GPHN: variants seen among roughly 807,000 people sequenced by gnomAD.
GPHN encodes gephyrin.
Under a neutral mutation model 95.5 loss-of-function variants are expected in GPHN, and 17 were observed. The observed-to-expected ratio is 0.18, with a 90% CI of 0.12 to 0.27. The LOEUF (loss-of-function observed/expected upper bound fraction) is 0.27. Ranked by LOEUF, GPHN falls within the 10% of genes least tolerant of loss-of-function variation. The probability of loss-of-function intolerance (pLI) is 1.00; values close to 1 mark genes in which losing one functional copy is unlikely to be tolerated. For missense variants in GPHN, 660 were observed against 978.1 expected (o/e 0.67, Z 4.34); for synonymous variants, 320 against 322.5 (o/e 0.99, Z 0.08).
chr14:66,876,166 A>T (rs1322548645), intron 4 of GPHN, among the ~76,000 whole-genome samples: 1 of 152,176 alleles, frequency 6.6e-6, no homozygotes, highest in African/African-American at 2.4e-5. Flanking sequence ...AAATAACAAA[A>T]TTAAGGCAGA....
the GPHN span, chr14:67,724,619 G>T: frequency 6.6e-7 from 1 of 1,509,770 alleles, no homozygotes; most frequent in South Asian, 1.1e-5. Context: ...AGTCTCCAAA[G>T]GGCCATGCCT....
intron 18 of GPHN, among the ~76,000 whole-genome samples, chr14:67,146,709 G>A (rs77391490): frequency 3.0e-4 from 45 of 152,294 alleles, no homozygotes; most frequent in Non-Finnish European, 5.7e-4. Context: ...GATTTGTTTT[G>A]TAAGTCTAGA....
chr14:67,450,561 C>T, the GPHN span, among the ~76,000 whole-genome samples: 33 of 152,148 alleles, frequency 2.2e-4, no homozygotes, highest in African/African-American at 6.5e-4. Flanking sequence ...ACTCTTCTTA[C>T]GTCTTAGTAA....
chr14:66,876,395 A>T (rs1347183897), intron 4 of GPHN, among the ~76,000 whole-genome samples: 1 of 152,172 alleles, frequency 6.6e-6, no homozygotes, highest in Non-Finnish European at 1.5e-5. Context: ...GAAATAACTA[A>T]AATCAGAGTA....
At chr14:66,826,261 C>T (rs2061381900) in intron 4 of GPHN, among the ~76,000 whole-genome samples, 1 of 152,142 alleles carries the variant, frequency 6.6e-6, no homozygotes, top group Admixed American at 6.5e-5. Flanking sequence ...AAAATTCAAA[C>T]CTTTGAATTC....
At chr14:66,623,586 C>G (rs1278783598) in intron 1 of GPHN, among the ~76,000 whole-genome samples, 2 of 148,566 alleles carry the variant, frequency 1.3e-5, no homozygotes, top group Non-Finnish European at 3.0e-5. Context: ...CCACTGTGCT[C>G]CAGCCTGTGT....
chr14:66,755,914 A>G (rs1477004682), intron 2 of GPHN, among the ~76,000 whole-genome samples: 1 of 152,148 alleles, frequency 6.6e-6, no homozygotes, highest in Non-Finnish European at 1.5e-5. Context: ...AAGTACAACA[A>G]TCCACTTGTC....
intron 1 of GPHN, among the ~76,000 whole-genome samples, chr14:66,596,618 C>A (rs1444109068): frequency 6.6e-6 from 1 of 152,202 alleles, no homozygotes; most frequent in African/African-American, 2.4e-5. Context: ...CCAGGCTTGG[C>A]CACAACTTTG....
rs1043056473 is a variant in GPHN at position 66,642,541 on chromosome 14, G to T, written c.65-38566G>T. On this transcript the variant is annotated intron_variant, in intron 1 of 22. Coordinates refer to ENST00000478722, the MANE Select transcript of GPHN (RefSeq NM_020806.5). Reference sequence around the variant, plus strand: ...AGCCTTAAGAGTACGAGCTCAGCAGGCAGACATTTTGATTTTTGTTTTTTT... The same window carrying T: ...AGCCTTAAGAGTACGAGCTCAGCAGTCAGACATTTTGATTTTTGTTTTTTT... Among the ~76,000 whole-genome samples, 29 of 149,314 alleles carry T rather than the reference G, an allele frequency of 1.9e-4. 1 individual carries two copies. Among genetic ancestry groups the T allele is most frequent in the Non-Finnish European group, 4.4e-5 (3 of 67,866 alleles).
At chr14:67,352,980 C>T in the GPHN span, 1 of 1,613,874 alleles carries the variant, frequency 6.2e-7, no homozygotes, top group Non-Finnish European at 8.5e-7. Context: ...CAGATTTTTT[C>T]TTCAGGAGGT....
At chr14:67,287,023 G>C in the GPHN span, among the ~76,000 whole-genome samples, 1 of 152,090 alleles carries the variant, frequency 6.6e-6, no homozygotes, top group South Asian at 2.1e-4. Flanking sequence ...TTCAAGACCA[G>C]CTTGGGTGAC....
chr14:67,174,814 A>G (rs1317957884), intron 21 of GPHN, among the ~76,000 whole-genome samples: 1 of 152,166 alleles, frequency 6.6e-6, no homozygotes, highest in African/African-American at 2.4e-5. Context: ...TTTGATTTGC[A>G]CTTCTCTAAT....
chr14:66,678,748 CAT>C (rs1223025543), intron 1 of GPHN, among the ~76,000 whole-genome samples: 1 of 151,926 alleles, frequency 6.6e-6, no homozygotes, highest in Non-Finnish European at 1.5e-5. Flanking sequence ...TTTCTGTAGA[CAT>C]ATCTATAGTG....
the GPHN span, among the ~76,000 whole-genome samples, chr14:67,357,778 CAGAGA>C: frequency 6.6e-6 from 1 of 152,270 alleles, no homozygotes; most frequent in East Asian, 1.9e-4. Flanking sequence ...CAAGAAGAGT[CAGAGA>C]AGAGAAACCT....
chr14:67,150,465 A>ACAAAACAAAACAAAAC (rs1057455795), intron 18 of GPHN, among the ~76,000 whole-genome samples: 4 of 150,064 alleles, frequency 2.7e-5, no homozygotes, highest in Non-Finnish European at 5.9e-5. Flanking sequence ...AAAAAAAAAA[A>ACAAAACAAAACAAAAC]AAAAAAAACA....
chr14:67,159,505 G>A lies in GPHN; in HGVS notation c.1910+17G>A, dbSNP rs750327944. 6.8e-7 allele frequency: 1 copy of A among 1,474,098 alleles called. No homozygotes were observed. The highest frequency in any genetic ancestry group is 9.5e-7 in the Non-Finnish European group (1 of 1,052,386). The allele number at this position is 1,474,098 out of a possible 1,614,324, so 91.3% of individuals were successfully genotyped here. ...GAAACCAGGGTATGAAAATCATCTTGTTATCTCATATATGGGGTTGGTTTG... is the reference window on the plus strand; with the variant it reads ...GAAACCAGGGTATGAAAATCATCTTATTATCTCATATATGGGGTTGGTTTG... On this transcript the variant is annotated intron_variant, in intron 19 of 22. Coordinates refer to ENST00000478722, the MANE Select transcript of GPHN (RefSeq NM_020806.5).
chr14:66,701,500 G>A (rs1425013152), intron 2 of GPHN, among the ~76,000 whole-genome samples: 1 of 152,164 alleles, frequency 6.6e-6, no homozygotes, highest in Non-Finnish European at 1.5e-5. Flanking sequence ...CTAGGTGGCT[G>A]GTGTGATCCA....
At chr14:67,674,444 C>T in the GPHN span, 1 of 1,609,404 alleles carries the variant, frequency 6.2e-7, no homozygotes, top group Non-Finnish European at 8.5e-7. Flanking sequence ...CGGAAGATCT[C>T]GTGCAGCTTC....
Position 66,747,912 on chromosome 14 carries a change from T to A in GPHN, c.144-28552T>A, listed in dbSNP as rs543331494. Among the ~76,000 whole-genome samples, 10 of 151,938 alleles carry A rather than the reference T, an allele frequency of 6.6e-5. No homozygotes were observed. The East Asian group carries it at 1.4e-3, about 21-fold the overall frequency. Reference sequence around the variant, plus strand: ...TATTTACTTAGGTAGTGAACTATAGTGTTAACATTAAATAAAAAGAGATCT... The same window carrying A: ...TATTTACTTAGGTAGTGAACTATAGAGTTAACATTAAATAAAAAGAGATCT... On this transcript the variant is annotated intron_variant, in intron 2 of 22. Coordinates refer to ENST00000478722, the MANE Select transcript of GPHN (RefSeq NM_020806.5).
Sources: allele counts gnomAD v4.1 joint callset (sites outside exome capture counted in the v4.1 genomes callset), GRCh38; gene constraint gnomAD v4.1.1; transcripts MANE v1.5; gene names NCBI Gene and HGNC (gene_info 2026-07-23, HGNC 2026-07-21).